Variants in LDB2 observed in about 807,000 individuals in gnomAD.
LDB2 encodes the protein LIM domain-binding protein 2.
In LDB2, 12 loss-of-function variants were observed where a neutral mutation model predicts 44.3. The observed-to-expected ratio is 0.27, with a 90% CI of 0.17 to 0.44. The LOEUF (loss-of-function observed/expected upper bound fraction) is 0.44. Ranked by LOEUF, LDB2 falls within the 20% of genes least tolerant of loss-of-function variation. The pLI, the probability that LDB2 is intolerant of heterozygous loss-of-function variation, is 1.00. For missense variants in LDB2, 344 were observed against 473.5 expected (o/e 0.73, Z 2.54); for synonymous variants, 164 against 174.8 (o/e 0.94, Z 0.49).
chr4:16,747,258 T>C (rs1471833153), intron 2 of LDB2, among the ~76,000 whole-genome samples: 3 of 152,178 alleles, frequency 2.0e-5, no homozygotes, highest in African/African-American at 7.2e-5. Context: ...ATAACTCTCA[T>C]AATTACTGAT....
chr4:16,787,150 A>T (rs1488284405), intron 1 of LDB2, among the ~76,000 whole-genome samples: 1 of 152,162 alleles, frequency 6.6e-6, no homozygotes, highest in Non-Finnish European at 1.5e-5. Flanking sequence ...CTGAAGAGGC[A>T]TTTATTTAGG....
intron 2 of LDB2, among the ~76,000 whole-genome samples, chr4:16,690,594 G>A (rs1301849768): frequency 6.7e-6 from 1 of 150,240 alleles, no homozygotes; most frequent in Non-Finnish European, 1.5e-5. Context: ...ACGAAGGAAA[G>A]GAAAGGGAAG....
chr4:16,854,253 A>G (rs1389493729), intron 1 of LDB2, among the ~76,000 whole-genome samples: 1 of 151,546 alleles, frequency 6.6e-6, no homozygotes, highest in Non-Finnish European at 1.5e-5. Flanking sequence ...ATAATATCAT[A>G]TTGTATACCT....
At chr4:16,711,914 T>C (rs1266017900) in intron 2 of LDB2, among the ~76,000 whole-genome samples, 2 of 152,192 alleles carry the variant, frequency 1.3e-5, no homozygotes, top group Admixed American at 1.3e-4. Flanking sequence ...TGAATCCCTA[T>C]CTTACATCAA....
intron 1 of LDB2, among the ~76,000 whole-genome samples, chr4:16,824,203 G>T (rs918511386): frequency 4.6e-5 from 7 of 152,186 alleles, no homozygotes; most frequent in Non-Finnish European, 8.8e-5. Flanking sequence ...GTTATTAGGG[G>T]AGAGATTGTG....
intron 3 of LDB2, among the ~76,000 whole-genome samples, chr4:16,595,362 C>T (rs1461015492): frequency 1.3e-5 from 2 of 152,044 alleles, no homozygotes; most frequent in Admixed American, 6.6e-5. Context: ...GCTGACCACG[C>T]GAAAATAGGA....
chr4:16,837,720 G>GTGAGAC (rs1016833882), intron 1 of LDB2, among the ~76,000 whole-genome samples: 6 of 152,202 alleles, frequency 3.9e-5, no homozygotes, highest in Non-Finnish European at 8.8e-5. Context: ...GTGATCCCAG[G>GTGAGAC]TGAGACTGAG....
intron 2 of LDB2, among the ~76,000 whole-genome samples, chr4:16,718,198 G>A (rs1004067523): frequency 7.9e-5 from 12 of 152,090 alleles, no homozygotes; most frequent in Admixed American, 3.3e-4. Flanking sequence ...GCTGGGTATT[G>A]TACAAGGTAC....
At chr4:16,847,083 G>T (rs557186809) in intron 1 of LDB2, among the ~76,000 whole-genome samples, 1 of 152,154 alleles carries the variant, frequency 6.6e-6, no homozygotes, top group Non-Finnish European at 1.5e-5. Flanking sequence ...GAATAGTTGA[G>T]GTTCTAGTTA....
chr4:16,645,244 A>G (rs537142635), intron 2 of LDB2, among the ~76,000 whole-genome samples: 54 of 152,358 alleles, frequency 3.5e-4, no homozygotes, highest in African/African-American at 1.1e-3. Context: ...TAATTTTAAA[A>G]AAGGATTGGT....
At chr4:16,551,953 T>C (rs1029934393) in intron 5 of LDB2, among the ~76,000 whole-genome samples, 20 of 152,226 alleles carry the variant, frequency 1.3e-4, no homozygotes, top group Admixed American at 6.5e-5. Flanking sequence ...ATAATTTTTT[T>C]TCCTTCCGAC....
chr4:16,526,602 A>G (rs755344982), intron 5 of LDB2, among the ~76,000 whole-genome samples: 4 of 152,222 alleles, frequency 2.6e-5, no homozygotes, highest in African/African-American at 9.6e-5. Flanking sequence ...CCTGACTAAC[A>G]TGGGTATTTA....
At chr4:16,766,562 ATGGCGCAATCT>A (rs913840245) in intron 1 of LDB2, among the ~76,000 whole-genome samples, 1 of 147,680 alleles carries the variant, frequency 6.8e-6, no homozygotes, top group African/African-American at 2.5e-5. Context: ...CTGGAGTGCA[ATGGCGCAATCT>A]TGGCTCACTG....
chr4:16,619,052 T>C (rs778501347), intron 2 of LDB2, among the ~76,000 whole-genome samples: 1 of 152,192 alleles, frequency 6.6e-6, no homozygotes, highest in Non-Finnish European at 1.5e-5. Flanking sequence ...TCATGCTTCC[T>C]GTACAGCTTG....
chr4:16,642,666 A>C (rs1276741610), intron 2 of LDB2, among the ~76,000 whole-genome samples: 1 of 152,158 alleles, frequency 6.6e-6, no homozygotes, highest in East Asian at 1.9e-4. Flanking sequence ...GACCATGATC[A>C]ATCATTTGGA....
intron 2 of LDB2, among the ~76,000 whole-genome samples, chr4:16,668,753 C>T (rs1743978791): frequency 2.0e-5 from 3 of 152,200 alleles, no homozygotes; most frequent in African/African-American, 4.8e-5. Context: ...CAACTGAAAA[C>T]GCAAGAGATT....
Position 16,898,538 on chromosome 4 carries a change from A to C in LDB2, c.-53T>G. ...AACAGAGTATCAGTAACGTCCATGC[A>C]GAGCACATGGGCTGTGTTCTTCCCA... On this transcript the variant is annotated 5_prime_UTR_variant, in exon 1 of 8. Transcript: ENST00000304523. 1 of 1,596,948 alleles carries C rather than the reference A, an allele frequency of 6.3e-7. No individual in the cohort carries two copies. Among genetic ancestry groups the C allele is most frequent in the Non-Finnish European group, 8.6e-7 (1 of 1,167,548 alleles).
intron 2 of LDB2, among the ~76,000 whole-genome samples, chr4:16,671,195 TA>T (rs1476915044): frequency 2.0e-5 from 3 of 151,976 alleles, no homozygotes; most frequent in Admixed American, 6.6e-5. Flanking sequence ...GGGGGGATAT[TA>T]AAATCTAGGT....
chr4:16,546,564 G>T (rs1410756535), intron 5 of LDB2, among the ~76,000 whole-genome samples: 1 of 152,150 alleles, frequency 6.6e-6, no homozygotes, highest in African/African-American at 2.4e-5. Flanking sequence ...CTGCTATTGT[G>T]CATACTGCCA....
Sources: gnomAD v4.1 joint callset for allele counts (sites outside exome capture counted in the v4.1 genomes callset) on GRCh38, gnomAD v4.1.1 for gene constraint, MANE v1.5 for transcripts, NCBI Gene and HGNC (gene_info 2026-07-23, HGNC 2026-07-21) for gene names.